ULK4: variants seen among roughly 807,000 people sequenced by gnomAD.
The protein encoded by ULK4 is unc-51 like kinase 4.
In ULK4, 133 loss-of-function variants were observed where a neutral mutation model predicts 160.6. The observed-to-expected ratio is 0.83, with a 90% CI of 0.72 to 0.96. The LOEUF (loss-of-function observed/expected upper bound fraction) is 0.96. Among genes scored for constraint, ULK4 ranks in the 40% least tolerant of loss-of-function variants. The pLI is 0.00. For missense variants in ULK4, 1,580 were observed against 1,499.5 expected (o/e 1.05, Z -0.89); for synonymous variants, 534 against 539.8 (o/e 0.99, Z 0.15).
At chr3:41,902,961 T>C (rs1244893329) in intron 12 of ULK4, among the ~76,000 whole-genome samples, 1 of 152,198 alleles carries the variant, frequency 6.6e-6, no homozygotes, top group Non-Finnish European at 1.5e-5. Flanking sequence ...CTTAAATATA[T>C]ACATCATACT....
At chr3:41,534,201 C>G (rs2086414331) in intron 32 of ULK4, among the ~76,000 whole-genome samples, 1 of 152,142 alleles carries the variant, frequency 6.6e-6, no homozygotes, top group Non-Finnish European at 1.5e-5. Context: ...TAATAAAAAA[C>G]CTAATAAGAA....
At chr3:41,316,515 A>G (rs1188327300) in intron 35 of ULK4, among the ~76,000 whole-genome samples, 1 of 152,250 alleles carries the variant, frequency 6.6e-6, no homozygotes, top group African/African-American at 2.4e-5. Context: ...ATGCAGGAAG[A>G]GAAAATCAAA....
intron 29 of ULK4, among the ~76,000 whole-genome samples, chr3:41,674,034 A>G (rs1023893858): frequency 2.0e-5 from 3 of 152,214 alleles, no homozygotes; most frequent in African/African-American, 4.8e-5. Flanking sequence ...TTAATTTTAA[A>G]AAGAAAAAAG....
intron 35 of ULK4, among the ~76,000 whole-genome samples, chr3:41,326,601 G>A (rs2080344303): frequency 6.6e-6 from 1 of 152,046 alleles, no homozygotes; most frequent in Admixed American, 6.6e-5. Context: ...AGAAGTCTGG[G>A]GATTTCTGAA....
At chr3:41,764,990 C>T (rs147010862) in intron 21 of ULK4, among the ~76,000 whole-genome samples, 7,126 of 152,196 alleles carry the variant, frequency 0.047, 518 homozygotes, top group African/African-American at 0.16. Flanking sequence ...ATTGTGGAAG[C>T]CAGTGTGGCG....
intron 13 of ULK4, chr3:41,899,001 G>A (rs1698261219): frequency 6.5e-6 from 1 of 153,360 alleles, no homozygotes; most frequent in Admixed American, 6.5e-5. Flanking sequence ...GAATTTTTTT[G>A]TAAATAGTAG....
At chr3:41,500,167 T>C (rs911214600) in intron 32 of ULK4, among the ~76,000 whole-genome samples, 18 of 152,044 alleles carry the variant, frequency 1.2e-4, no homozygotes, top group Admixed American at 1.3e-4. Flanking sequence ...ATTAATGAAC[T>C]TTCTGCTTCA....
intron 34 of ULK4, among the ~76,000 whole-genome samples, chr3:41,447,066 A>G (rs1441927557): frequency 1.6e-5 from 2 of 123,340 alleles, no homozygotes; most frequent in Non-Finnish European, 3.3e-5. Context: ...CCCGGGTGAC[A>G]GAGCGAGACT....
chr3:41,496,327 A>G (rs2084988121), intron 32 of ULK4, among the ~76,000 whole-genome samples: 1 of 152,140 alleles, frequency 6.6e-6, no homozygotes, highest in Non-Finnish European at 1.5e-5. Context: ...CATAAACATT[A>G]AGCCTAGACA....
At chr3:41,475,786 T>C (rs1438716911) in intron 32 of ULK4, among the ~76,000 whole-genome samples, 2 of 152,148 alleles carry the variant, frequency 1.3e-5, no homozygotes, top group Non-Finnish European at 2.9e-5. Context: ...ATCTTCCATG[T>C]TGCATTTTCC....
At chr3:41,657,602 G>A (rs2034986285) in intron 30 of ULK4, among the ~76,000 whole-genome samples, 1 of 151,972 alleles carries the variant, frequency 6.6e-6, no homozygotes, top group East Asian at 1.9e-4. Flanking sequence ...GGTGGACCAT[G>A]AGGTTAGGAG....
At chr3:41,476,687 G>A (rs2084157181) in intron 32 of ULK4, among the ~76,000 whole-genome samples, 1 of 151,862 alleles carries the variant, frequency 6.6e-6, no homozygotes, top group Admixed American at 6.6e-5. Flanking sequence ...AGTTACCTGT[G>A]GCTTAGATCA....
chr3:41,904,431 AAAAT>A (rs1309178336), intron 12 of ULK4, among the ~76,000 whole-genome samples: 5 of 148,774 alleles, frequency 3.4e-5, no homozygotes, highest in Admixed American at 1.3e-4. Context: ...CTCTGTCTCA[AAAAT>A]AAATAAATAA....
At chr3:41,958,503 A>G (rs1324053882) in intron 1 of ULK4, among the ~76,000 whole-genome samples, 7 of 151,622 alleles carry the variant, frequency 4.6e-5, no homozygotes, top group Non-Finnish European at 8.8e-5. Context: ...CAAGTTCAGG[A>G]CCAGGCTGGC....
At chr3:41,809,027 G>A (rs773448264) in intron 19 of ULK4, among the ~76,000 whole-genome samples, 11 of 152,156 alleles carry the variant, frequency 7.2e-5, no homozygotes, top group African/African-American at 2.2e-4. Context: ...TTAGCCAGGC[G>A]TGGTGGTGCA....
At chr3:41,706,614 G>C (rs2125830030) in intron 25 of ULK4, among the ~76,000 whole-genome samples, 1 of 150,764 alleles carries the variant, frequency 6.6e-6, no homozygotes, top group South Asian at 2.1e-4. Flanking sequence ...GATTACTTGA[G>C]GTCAGGAGTT....
intron 18 of ULK4, among the ~76,000 whole-genome samples, chr3:41,824,407 C>A (rs1440975630): frequency 6.6e-6 from 1 of 152,136 alleles, no homozygotes; most frequent in Non-Finnish European, 1.5e-5. Flanking sequence ...AGTGAATTCC[C>A]TTCCCTAGTC....
chr3:41,695,914 G>T (rs1337009068), intron 27 of ULK4, among the ~76,000 whole-genome samples: 1 of 152,170 alleles, frequency 6.6e-6, no homozygotes, highest in Non-Finnish European at 1.5e-5. Context: ...GAGCTGAGGG[G>T]ACATAGTGAG....
intron 21 of ULK4, among the ~76,000 whole-genome samples, chr3:41,762,262 A>C (rs1166686693): frequency 6.6e-6 from 1 of 151,976 alleles, no homozygotes; most frequent in Non-Finnish European, 1.5e-5. Flanking sequence ...TTTTGTGCCC[A>C]TTAACCACCC....
Sources: gnomAD v4.1 joint callset for allele counts (sites outside exome capture counted in the v4.1 genomes callset) on GRCh38, gnomAD v4.1.1 for gene constraint, MANE v1.5 for transcripts, NCBI Gene and HGNC (gene_info 2026-07-23, HGNC 2026-07-21) for gene names.